The following IGF2BP2 variants were observed in gnomAD, a reference collection of about 807,000 sequenced individuals.
The protein encoded by IGF2BP2 is insulin-like growth factor 2 mRNA-binding protein 2.
Under a neutral mutation model 75.8 loss-of-function variants are expected in IGF2BP2, and 17 were observed. The observed-to-expected ratio is 0.22, with a 90% CI of 0.15 to 0.34. IGF2BP2 has a LOEUF of 0.34. Among genes scored for constraint, IGF2BP2 ranks in the 10% least tolerant of loss-of-function variants. The probability of loss-of-function intolerance (pLI) is 1.00; values close to 1 mark genes in which losing one functional copy is unlikely to be tolerated. For missense variants in IGF2BP2, 516 were observed against 772.4 expected, an observed-to-expected ratio of 0.67 and a Z score of 3.93; for synonymous variants, 288 against 295.6, an observed-to-expected ratio of 0.97 and a Z score of 0.26.
At chr3:185,694,290 T>C (rs1722305602) in intron 4 of IGF2BP2, among the ~76,000 whole-genome samples, 1 of 152,244 alleles carries the variant, frequency 6.6e-6, no homozygotes, top group African/African-American at 2.4e-5. Flanking sequence ...TGCTGCTTTC[T>C]AGTGCTACAG....
chr3:185,687,296 C>T, intron 6 of IGF2BP2, 105 bp from the exon 7 acceptor site: 1 of 1,200,344 alleles, frequency 8.3e-7, no homozygotes, highest in Non-Finnish European at 1.2e-6. Context: ...CACAGACAGA[C>T]AAGGAGGCGT....
At chr3:185,793,614 T>A (rs1288680144) in intron 2 of IGF2BP2, among the ~76,000 whole-genome samples, 1 of 152,118 alleles carries the variant, frequency 6.6e-6, no homozygotes, top group East Asian at 1.9e-4. Flanking sequence ...TTGATATAAT[T>A]GACACATCAG....
At chr3:185,734,696 T>G (rs1377284154) in intron 2 of IGF2BP2, among the ~76,000 whole-genome samples, 5 of 152,254 alleles carry the variant, frequency 3.3e-5, no homozygotes, top group African/African-American at 1.2e-4. Flanking sequence ...TTTTCCTGCT[T>G]ACAGCAGGGA....
At chr3:185,810,800 T>A (rs1399638854) in intron 2 of IGF2BP2, among the ~76,000 whole-genome samples, 1 of 151,024 alleles carries the variant, frequency 6.6e-6, no homozygotes. Flanking sequence ...AAACAAAAAC[T>A]AAAAAACAAA....
chr3:185,799,246 A>C (rs2149921717), intron 2 of IGF2BP2, among the ~76,000 whole-genome samples: 1 of 152,206 alleles, frequency 6.6e-6, no homozygotes, highest in African/African-American at 2.4e-5. Context: ...CAAAAACAAA[A>C]ATAAGCCAAG....
At chr3:185,769,777 T>C (rs1169109883) in intron 2 of IGF2BP2, among the ~76,000 whole-genome samples, 1 of 140,102 alleles carries the variant, frequency 7.1e-6, no homozygotes, top group Non-Finnish European at 1.5e-5. Context: ...TGCAGTGAAC[T>C]GTGGTCACTG....
chr3:185,792,197 T>C (rs890981288), intron 2 of IGF2BP2, among the ~76,000 whole-genome samples: 2 of 152,214 alleles, frequency 1.3e-5, no homozygotes, highest in East Asian at 3.8e-4. Context: ...AGTAGATGAT[T>C]ACTTAATGGG....
At chr3:185,794,517 C>T (rs963303517) in intron 2 of IGF2BP2, among the ~76,000 whole-genome samples, 2 of 152,108 alleles carry the variant, frequency 1.3e-5, no homozygotes, top group Non-Finnish European at 2.9e-5. Context: ...GGACTCAGGC[C>T]AGTATTCCTT....
intron 1 of IGF2BP2, 102 bp from the exon 2 acceptor site, chr3:185,823,315 G>C: frequency 1.1e-6 from 1 of 881,652 alleles, no homozygotes; most frequent in Non-Finnish European, 1.7e-6. Flanking sequence ...TCCGCCTTCG[G>C]GCGCCCCCAA....
At chr3:185,697,535 C>T (rs1048788588) in intron 3 of IGF2BP2, among the ~76,000 whole-genome samples, 7 of 151,848 alleles carry the variant, frequency 4.6e-5, no homozygotes, top group Non-Finnish European at 8.8e-5. Context: ...CACAATAAGG[C>T]CACTCCTCAT....
At position 185,688,915 on chromosome 3, in the gene IGF2BP2, T is replaced by C. The variant is rs1371211287; in HGVS notation, c.677+440A>G. Among the ~76,000 whole-genome samples, 5 of 152,204 alleles carry C rather than the reference T, an allele frequency of 3.3e-5. No homozygotes were observed. In the East Asian group the frequency reaches 5.8e-4, roughly 18 times the overall value. Reference sequence around the variant, plus strand: ...CTAAACAGAAGGCCAGTGTGCTTTATTTCTTGCTTGACGTGGCAGTGACTC... The same window carrying C: ...CTAAACAGAAGGCCAGTGTGCTTTACTTCTTGCTTGACGTGGCAGTGACTC... On this transcript the variant is annotated intron_variant, in intron 6 of 15. Transcript: ENST00000382199.
At chr3:185,689,818 A>G (rs949644645) in intron 5 of IGF2BP2, among the ~76,000 whole-genome samples, 191 bp from the exon 6 acceptor site, 21 of 151,678 alleles carry the variant, frequency 1.4e-4, no homozygotes, top group Non-Finnish European at 2.8e-4. Context: ...AATACAAAAA[A>G]TTAGCCGGGC....
chr3:185,695,449 G>C (rs1298376789), intron 4 of IGF2BP2, among the ~76,000 whole-genome samples: 2 of 152,134 alleles, frequency 1.3e-5, no homozygotes, highest in African/African-American at 4.8e-5. Flanking sequence ...TTTGACACTT[G>C]TGCATACTGA....
chr3:185,752,742 G>A (rs1036031792), intron 2 of IGF2BP2, among the ~76,000 whole-genome samples: 11 of 151,904 alleles, frequency 7.2e-5, no homozygotes, highest in African/African-American at 2.4e-5. Context: ...TATTACATGT[G>A]TGTGCCACCA....
intron 2 of IGF2BP2, among the ~76,000 whole-genome samples, chr3:185,795,808 C>T (rs1737295555): frequency 6.6e-6 from 1 of 152,148 alleles, no homozygotes; most frequent in African/African-American, 2.4e-5. Flanking sequence ...ACTGCATGAA[C>T]CCAGCAGGTG....
chr3:185,711,954 A>G (rs1395884912), intron 2 of IGF2BP2, among the ~76,000 whole-genome samples: 1 of 152,104 alleles, frequency 6.6e-6, no homozygotes, highest in South Asian at 2.1e-4. Flanking sequence ...TACAAACACC[A>G]AACTCCCCTT....
intron 6 of IGF2BP2, among the ~76,000 whole-genome samples, chr3:185,688,846 A>G (rs1356695703): frequency 6.6e-6 from 1 of 152,200 alleles, no homozygotes; most frequent in African/African-American, 2.4e-5. Flanking sequence ...CGTTTTATTC[A>G]CCAACTCTTA....
In IGF2BP2 at chr3:185,665,332, G is replaced by C. The variant is rs1359701229; in HGVS notation, c.1201-6923C>G. Among the ~76,000 whole-genome samples, 15 of 134,064 alleles carry C rather than the reference G, an allele frequency of 1.1e-4. 1 individual carries two copies. Among genetic ancestry groups the C allele is most frequent in the African/African-American group, 4.2e-4 (15 of 35,616 alleles). 88.0% of individuals were successfully genotyped at this position (134,064 alleles called of 152,430 possible). A position where few individuals can be genotyped will look rare whatever the true frequency, so the allele number is the denominator to read the frequency against. On this transcript the variant is annotated intron_variant, in intron 10 of 15. Coordinates refer to ENST00000382199, the MANE Select transcript of IGF2BP2 (RefSeq NM_006548.6). ...GGAGCAGAAGGAGAAGGAGGAGGAGGAGGAGGAGGAGAAGGAGGAGGAGGA... is the reference window on the plus strand; with the variant it reads ...GGAGCAGAAGGAGAAGGAGGAGGAGCAGGAGGAGGAGAAGGAGGAGGAGGA...
At chr3:185,821,885 A>G (rs896128175) in intron 2 of IGF2BP2, among the ~76,000 whole-genome samples, 2 of 152,182 alleles carry the variant, frequency 1.3e-5, no homozygotes, top group African/African-American at 4.8e-5. Flanking sequence ...AAAAGTATAC[A>G]AATTTAGAAT....
Sources: gnomAD v4.1 joint callset for allele counts (sites outside exome capture counted in the v4.1 genomes callset) on GRCh38, gnomAD v4.1.1 for gene constraint, MANE v1.5 for transcripts, NCBI Gene and HGNC (gene_info 2026-07-23, HGNC 2026-07-21) for gene names.